COL23A1: variants seen among roughly 807,000 people sequenced by gnomAD.
COL23A1 encodes collagen alpha-1(XXIII) chain.
Under a neutral mutation model 99.3 loss-of-function variants are expected in COL23A1, and 97 were observed. The ratio of observed to expected loss-of-function variants is 0.98; its 90% CI spans 0.83 to 1.16. The LOEUF is 1.16. Ranked by LOEUF, COL23A1 falls within the 50% of genes most tolerant of loss-of-function variation. The pLI is 0.00. For missense variants in COL23A1, 762 were observed against 757.4 expected (o/e 1.01, Z -0.07); for synonymous variants, 320 against 308.2 (o/e 1.04, Z -0.40).
chr5:178,380,415 G>GTGTC (rs1554151320), intron 2 of COL23A1, among the ~76,000 whole-genome samples: 2 of 151,952 alleles, frequency 1.3e-5, no homozygotes, highest in Admixed American at 6.6e-5. Context: ...GTGTGTGTGT[G>GTGTC]TGTGTGTGTA....
At position 178,428,931 on chromosome 5, in the gene COL23A1, A is replaced by ACAGGCAGG. The variant is rs1241498944; in HGVS notation, c.362-122020_362-122013dup. On this transcript the variant is annotated intron_variant, in intron 2 of 28. Coordinates refer to ENST00000390654, the MANE Select transcript of COL23A1 (RefSeq NM_173465.4). The surrounding 1 kb of genome is among the most constrained non-coding windows in gnomAD (Gnocchi z 5.0). ...AAGCCAGCTCCCTACCCGCACACAG[A>ACAGGCAGG]CAGGCAGGCCCTCCGTGAGTGTCCT... is the stretch of plus-strand genomic sequence containing the variant. Among the ~76,000 whole-genome samples, 2 of 149,016 alleles carry ACAGGCAGG rather than the reference A, an allele frequency of 1.3e-5. No individual in the cohort carries two copies. Among genetic ancestry groups the ACAGGCAGG allele is most frequent in the Non-Finnish European group, 2.9e-5 (2 of 67,954 alleles).
At chr5:178,421,934 C>G (rs78143052) in intron 2 of COL23A1, among the ~76,000 whole-genome samples, 3 of 151,978 alleles carry the variant, frequency 2.0e-5, no homozygotes, top group Admixed American at 1.3e-4. Context: ...TGAAGAACGC[C>G]GGGGGGTGGA....
intron 1 of COL23A1, among the ~76,000 whole-genome samples, chr5:178,566,284 T>C (rs560581900): frequency 6.6e-6 from 1 of 152,166 alleles, no homozygotes; most frequent in South Asian, 2.1e-4. Flanking sequence ...AGAACTGTTC[T>C]GTGTGGTCCT....
chr5:178,341,113 C>T (rs1203088650), intron 2 of COL23A1, among the ~76,000 whole-genome samples: 1 of 152,180 alleles, frequency 6.6e-6, no homozygotes, highest in African/African-American at 2.4e-5. Context: ...TGTCCAGTGC[C>T]TGCCCCACTA....
chr5:178,551,076 CTT>C (rs1761971205), intron 2 of COL23A1, among the ~76,000 whole-genome samples: 1 of 149,678 alleles, frequency 6.7e-6, no homozygotes, highest in Non-Finnish European at 1.5e-5. Context: ...AGGTGGTTAA[CTT>C]TGTGTGTCAC....
chr5:178,303,634 G>A (rs1758189453), intron 3 of COL23A1, among the ~76,000 whole-genome samples: 1 of 152,224 alleles, frequency 6.6e-6, no homozygotes, highest in Non-Finnish European at 1.5e-5. Context: ...CGGAGACCCG[G>A]GAAGTGCCTC....
intron 2 of COL23A1, among the ~76,000 whole-genome samples, chr5:178,546,983 C>T (rs925105925): frequency 6.6e-6 from 1 of 152,176 alleles, no homozygotes; most frequent in East Asian, 1.9e-4. Flanking sequence ...AAGCCGCTCG[C>T]ATGCAGAGTG....
chr5:178,484,012 T>C (rs1757475922), intron 2 of COL23A1, among the ~76,000 whole-genome samples: 1 of 152,116 alleles, frequency 6.6e-6, no homozygotes, highest in Admixed American at 6.6e-5. Context: ...ATCTCGGCTC[T>C]CTGCAACCTC....
intron 27 of COL23A1, among the ~76,000 whole-genome samples, chr5:178,240,918 G>T (rs1321690251): frequency 6.6e-6 from 1 of 152,182 alleles, no homozygotes; most frequent in Non-Finnish European, 1.5e-5. Context: ...CCGGAAGAGT[G>T]TGACATGTAA....
At chr5:178,257,452 G>A (rs980276734) in intron 13 of COL23A1, 71 bp downstream of exon 13, 38 of 1,514,672 alleles carry the variant, frequency 2.5e-5, no homozygotes, top group Non-Finnish European at 3.4e-5. Context: ...CCAGGGTAGG[G>A]ACTTCACCAG....
chr5:178,238,591 C>A lies in COL23A1; in HGVS notation c.*107G>T. Reference sequence around the variant, plus strand: ...GGCATACTCTTGAATGTTAAAAGGCCACAGGTAGCGCATTCCATGAAAAAA... The same window carrying A: ...GGCATACTCTTGAATGTTAAAAGGCAACAGGTAGCGCATTCCATGAAAAAA... On this transcript the variant is annotated 3_prime_UTR_variant, in exon 29 of 29. Transcript: ENST00000390654. The A allele has an allele frequency of 6.9e-7, 1 of 1,451,056 alleles. No homozygotes were observed. Among genetic ancestry groups the A allele is most frequent in the Non-Finnish European group, 9.6e-7 (1 of 1,038,462 alleles). 89.9% of individuals were successfully genotyped at this position (1,451,056 alleles called of 1,614,324 possible).
At chr5:178,277,763 G>A (rs1280048317) in intron 5 of COL23A1, among the ~76,000 whole-genome samples, 3 of 117,922 alleles carry the variant, frequency 2.5e-5, no homozygotes, top group Admixed American at 2.5e-4. Flanking sequence ...TTACAGCACT[G>A]TGCCTTTGAA....
At chr5:178,327,174 C>T (rs925817971) in intron 2 of COL23A1, among the ~76,000 whole-genome samples, 1 of 152,246 alleles carries the variant, frequency 6.6e-6, no homozygotes, top group African/African-American at 2.4e-5. Context: ...CAAAGATGTA[C>T]TAATGACCCA....
Position 178,290,482 on chromosome 5 carries a change from C to T in COL23A1, c.407-113G>A, listed in dbSNP as rs556391056. 536 of 1,393,532 alleles carry T rather than the reference C, an allele frequency of 3.8e-4. 6 individuals carry two copies. In the Middle Eastern group the frequency reaches 0.012, roughly 32 times the overall value. 86.3% of individuals were successfully genotyped at this position (1,393,532 alleles called of 1,614,324 possible). On this transcript the variant is annotated intron_variant, in intron 3 of 28. Transcript: ENST00000390654. ...AGCACGGCTCCTGGCCACCTCTCCC[C>T]GGAAGGCTTTGATGCTGCCATGGCT... is the stretch of plus-strand genomic sequence containing the variant.
chr5:178,250,490 A>G (rs1200436367), intron 17 of COL23A1, among the ~76,000 whole-genome samples: 1 of 152,198 alleles, frequency 6.6e-6, no homozygotes, highest in Non-Finnish European at 1.5e-5. Context: ...CAAGCTGTCC[A>G]CCTGCCAGAC....
chr5:178,370,686 C>T (rs1032337268), intron 2 of COL23A1, among the ~76,000 whole-genome samples: 1 of 152,020 alleles, frequency 6.6e-6, no homozygotes, highest in Non-Finnish European at 1.5e-5. Context: ...CGGTGAGACC[C>T]TATCTCTCTT....
Position 178,585,385 on chromosome 5 carries a change from C to G in COL23A1, c.294+4519G>C, listed in dbSNP as rs559112741. Among the ~76,000 whole-genome samples the G allele has an allele frequency of 1.7e-3, 261 of 150,748 alleles. 3 individuals are homozygous for G. Among genetic ancestry groups the G allele is most frequent in the African/African-American group, 5.6e-3 (228 of 40,672 alleles). On this transcript the variant is annotated intron_variant, in intron 1 of 28. Transcript: ENST00000390654. ...GGCCCCAGCTGACTCTAGGGTAACA[C>G]TCCGCGGCCCTGACTGATGTGTGGG... is the stretch of plus-strand genomic sequence containing the variant.
At chr5:178,373,569 A>G (rs751893048) in intron 2 of COL23A1, among the ~76,000 whole-genome samples, 3 of 152,142 alleles carry the variant, frequency 2.0e-5, no homozygotes, top group Non-Finnish European at 4.4e-5. Flanking sequence ...GGCTCCTGCC[A>G]TCAGCCCAGC....
chr5:178,266,385 ATGTGTGTGTGTGTTG>A (rs1755903331), intron 8 of COL23A1, among the ~76,000 whole-genome samples: 1 of 151,548 alleles, frequency 6.6e-6, no homozygotes, highest in African/African-American at 2.4e-5. Context: ...GTGTGCGCAT[ATGTGTGTGTGTGTTG>A]GGGGGTGGTG....
Sources: allele counts gnomAD v4.1 joint callset (sites outside exome capture counted in the v4.1 genomes callset), GRCh38; gene constraint gnomAD v4.1.1; non-coding constraint Gnocchi (gnomAD v3.1); transcripts MANE v1.5; gene names NCBI Gene and HGNC (gene_info 2026-07-23, HGNC 2026-07-21).